C12orf42: variants seen among roughly 807,000 people sequenced by gnomAD.
The protein encoded by C12orf42 is uncharacterized protein C12orf42.
Under a neutral mutation model 21.6 loss-of-function variants are expected in C12orf42, and 25 were observed. The ratio of observed to expected loss-of-function variants is 1.16; its 90% confidence interval spans 0.84 to 1.62. The LOEUF (loss-of-function observed/expected upper bound fraction) is 1.62. Among genes scored for constraint, C12orf42 ranks in the 40% most tolerant of loss-of-function variants. C12orf42 has a pLI of 0.00. For missense variants in C12orf42, 483 were observed against 459.3 expected, an observed-to-expected ratio of 1.05 and a Z score of -0.47; for synonymous variants, 174 against 175.0, an observed-to-expected ratio of 0.99 and a Z score of 0.05.
intron 5 of C12orf42, among the ~76,000 whole-genome samples, chr12:103,272,479 T>C (rs1175745176): frequency 1.3e-5 from 2 of 152,212 alleles, no homozygotes; most frequent in Non-Finnish European, 2.9e-5. Context: ...TCTGCCTCCA[T>C]GGCTTGAGTA....
the C12orf42 span, among the ~76,000 whole-genome samples, chr12:103,054,459 T>C: frequency 6.6e-5 from 10 of 151,880 alleles, no homozygotes; most frequent in Non-Finnish European, 1.2e-4. Context: ...AACTCCCTTA[T>C]TAGTTCTAAG....
At chr12:103,199,621 A>G in the C12orf42 span, among the ~76,000 whole-genome samples, 1 of 152,240 alleles carries the variant, frequency 6.6e-6, no homozygotes, top group East Asian at 1.9e-4. Context: ...TAGCAAAAAA[A>G]CAAATAACCT....
chr12:103,180,773 C>T, the C12orf42 span, among the ~76,000 whole-genome samples: 3,666 of 151,142 alleles, frequency 0.024, 143 homozygotes, highest in African/African-American at 0.082. Context: ...GGATTACAGG[C>T]ATGTGCCACC....
chr12:103,357,872 G>C (rs2043729163), intron 4 of C12orf42, among the ~76,000 whole-genome samples: 1 of 152,064 alleles, frequency 6.6e-6, no homozygotes, highest in Admixed American at 6.6e-5. Context: ...ATTAGTGTTT[G>C]CTGTGTAATA....
chr12:103,169,943 G>T, the C12orf42 span, among the ~76,000 whole-genome samples: 2 of 152,050 alleles, frequency 1.3e-5, no homozygotes, highest in East Asian at 1.9e-4. Flanking sequence ...CTCCCATTGA[G>T]CTTTTTTCAA....
the C12orf42 span, chr12:103,168,008 C>CTA: frequency 0.18 from 81,879 of 448,528 alleles, 10,221 homozygotes; most frequent in East Asian, 0.49. Context: ...TTAATTGTGT[C>CTA]TGTTAATATG....
At chr12:103,318,336 A>G (rs1451719100) in intron 4 of C12orf42, among the ~76,000 whole-genome samples, 5 of 152,120 alleles carry the variant, frequency 3.3e-5, no homozygotes, top group African/African-American at 4.8e-5. Context: ...ACCCTTGTAT[A>G]TGTCTTCTTG....
the C12orf42 span, among the ~76,000 whole-genome samples, chr12:103,117,557 CT>C: frequency 6.6e-6 from 1 of 152,186 alleles, no homozygotes; most frequent in South Asian, 2.1e-4. Context: ...GGATCTTTTG[CT>C]TACATTTCCT....
intron 2 of C12orf42, among the ~76,000 whole-genome samples, chr12:103,409,944 A>G (rs1164729488): frequency 6.6e-6 from 1 of 152,246 alleles, no homozygotes; most frequent in Non-Finnish European, 1.5e-5. Context: ...AATGTTATTT[A>G]GAGTCTTGAA....
the C12orf42 span, among the ~76,000 whole-genome samples, chr12:103,541,528 T>A: frequency 6.6e-6 from 1 of 152,234 alleles, no homozygotes; most frequent in Non-Finnish European, 1.5e-5. Context: ...TGCCGCCAGT[T>A]GTATAAAAGT....
intron 2 of C12orf42, among the ~76,000 whole-genome samples, chr12:103,444,994 T>C (rs1464802134): frequency 6.8e-6 from 1 of 147,394 alleles, no homozygotes; most frequent in Admixed American, 6.8e-5. Flanking sequence ...TATCCATAAG[T>C]AATAAACCAT....
At chr12:103,122,396 A>G in the C12orf42 span, among the ~76,000 whole-genome samples, 1 of 151,590 alleles carries the variant, frequency 6.6e-6, no homozygotes, top group African/African-American at 2.4e-5. Flanking sequence ...GTATTCATTC[A>G]TTCATTCATT....
chr12:103,364,099 A>G (rs1476849269), intron 4 of C12orf42, among the ~76,000 whole-genome samples: 1 of 152,144 alleles, frequency 6.6e-6, no homozygotes, highest in African/African-American at 2.4e-5. Context: ...ATAGGCCACA[A>G]AACAAGCCTC....
intron 4 of C12orf42, among the ~76,000 whole-genome samples, chr12:103,318,760 T>C (rs547110826): frequency 5.9e-5 from 9 of 152,306 alleles, no homozygotes; most frequent in Admixed American, 1.3e-4. Context: ...TGGGGAGCTC[T>C]TGGAGAATCC....
intron 3 of C12orf42, among the ~76,000 whole-genome samples, chr12:103,374,893 A>C (rs193213273): frequency 6.6e-6 from 1 of 152,330 alleles, no homozygotes; most frequent in East Asian, 1.9e-4. Flanking sequence ...GATAAGGACA[A>C]TGCTCACTTT....
the C12orf42 span, among the ~76,000 whole-genome samples, chr12:103,054,681 T>C: frequency 1.3e-5 from 2 of 152,046 alleles, no homozygotes; most frequent in East Asian, 3.9e-4. Flanking sequence ...TATTCACCAA[T>C]TTAGCATCAA....
chr12:103,319,575 A>G (rs1331565888), intron 4 of C12orf42, among the ~76,000 whole-genome samples: 1 of 152,266 alleles, frequency 6.6e-6, no homozygotes, highest in Non-Finnish European at 1.5e-5. Context: ...CACACTGTGG[A>G]AAGCCTGAAA....
At chr12:103,114,621 C>T in the C12orf42 span, among the ~76,000 whole-genome samples, 1 of 152,148 alleles carries the variant, frequency 6.6e-6, no homozygotes, top group Non-Finnish European at 1.5e-5. Context: ...CTCTGCCCCT[C>T]AGCTTTGTAT....
intron 10 of C12orf42, among the ~76,000 whole-genome samples, chr12:103,255,366 G>A (rs1042785378): frequency 4.6e-5 from 7 of 152,060 alleles, no homozygotes; most frequent in East Asian, 1.9e-4. Context: ...GCAACACTCC[G>A]TCTCAACAAA....
Sources: allele counts gnomAD v4.1 joint callset (sites outside exome capture counted in the v4.1 genomes callset), GRCh38; gene constraint gnomAD v4.1.1; transcripts MANE v1.5; gene names NCBI Gene and HGNC (gene_info 2026-07-23, HGNC 2026-07-21).